Variants in CREB5 observed in about 807,000 individuals in gnomAD.
CREB5 encodes the protein cAMP responsive element binding protein 5, also known as cyclic AMP-responsive element-binding protein 5.
Under a neutral mutation model 57.1 loss-of-function variants are expected in CREB5, and 19 were observed. That is an observed-to-expected ratio of 0.33 (90% CI 0.23 to 0.49). The LOEUF (loss-of-function observed/expected upper bound fraction) is 0.49. Ranked by LOEUF, CREB5 falls within the 20% of genes least tolerant of loss-of-function variation. CREB5 has a pLI of 0.99. For synonymous variants in CREB5, 238 were observed against 238.3 expected, an observed-to-expected ratio of 1.00 and a Z score of 0.01; for missense variants, 579 against 671.6, an observed-to-expected ratio of 0.86 and a Z score of 1.52.
chr7:28,783,196 C>CA (rs1001898395), intron 7 of CREB5, among the ~76,000 whole-genome samples: 2 of 152,140 alleles, frequency 1.3e-5, no homozygotes, highest in African/African-American at 4.8e-5. Flanking sequence ...AGTACAGCCT[C>CA]AAAAATCACA....
At chr7:28,620,061 T>G (rs1267890038) in intron 5 of CREB5, among the ~76,000 whole-genome samples, 6 of 152,234 alleles carry the variant, frequency 3.9e-5, no homozygotes, top group African/African-American at 1.4e-4. Flanking sequence ...AAAATAGACT[T>G]GATGAAGTGA....
chr7:28,503,455 CT>C (rs747418370), intron 3 of CREB5, among the ~76,000 whole-genome samples: 7 of 152,134 alleles, frequency 4.6e-5, no homozygotes, highest in Non-Finnish European at 1.0e-4. Context: ...AAATATTAGA[CT>C]ACCCATCATC....
At chr7:28,686,395 G>T (rs558393407) in intron 5 of CREB5, among the ~76,000 whole-genome samples, 2 of 151,646 alleles carry the variant, frequency 1.3e-5, no homozygotes, top group African/African-American at 2.4e-5. Context: ...TGCCCGAAGA[G>T]GCATTTCTTT....
chr7:28,751,930 C>T (rs539356104), intron 7 of CREB5, among the ~76,000 whole-genome samples: 3 of 152,128 alleles, frequency 2.0e-5, no homozygotes, highest in East Asian at 1.9e-4. Flanking sequence ...TTACGAGTAC[C>T]GGTCAGTTCT....
chr7:28,340,266 G>A (rs1785910795), intron 1 of CREB5, among the ~76,000 whole-genome samples: 1 of 152,196 alleles, frequency 6.6e-6, no homozygotes, highest in Non-Finnish European at 1.5e-5. Context: ...AAGCCAGCAT[G>A]GCTCTGAGTC....
intron 7 of CREB5, among the ~76,000 whole-genome samples, chr7:28,794,339 G>A (rs138912355): frequency 7.6e-4 from 116 of 152,264 alleles, no homozygotes; most frequent in East Asian, 2.1e-3. Context: ...AACAGAAAGC[G>A]TTCTTTCTAT....
At chr7:28,311,544 T>C (rs1227451804) in intron 1 of CREB5, among the ~76,000 whole-genome samples, 1 of 152,244 alleles carries the variant, frequency 6.6e-6, no homozygotes, top group Non-Finnish European at 1.5e-5. Context: ...TCCTACACAA[T>C]GTACTTTATA....
In CREB5 at chr7:28,798,690, C is replaced by T. The variant is rs143200581; in HGVS notation, c.703-5509C>T. 7.0e-3 allele frequency among the ~76,000 whole-genome samples: 1,065 copies of T among 152,258 alleles called. 6 individuals carry two copies. Among genetic ancestry groups the T allele is most frequent in the Non-Finnish European group, 0.01 (691 of 68,020 alleles). On this transcript the variant is annotated intron_variant, in intron 7 of 10. Coordinates refer to ENST00000357727, the MANE Select transcript of CREB5 (RefSeq NM_182898.4). ...CTCCTTTTGACTGAAACTACCTGTG[C>T]GTCAGGCTTCTCGCCGCCTCCCCTA...
intron 5 of CREB5, among the ~76,000 whole-genome samples, chr7:28,668,487 C>A (rs189809973): frequency 6.6e-6 from 1 of 152,008 alleles, no homozygotes; most frequent in Admixed American, 6.6e-5. Flanking sequence ...TGGTTTTATA[C>A]GATGACAAAA....
At chr7:28,552,580 G>A (rs78496132) in intron 4 of CREB5, among the ~76,000 whole-genome samples, 1 of 152,018 alleles carries the variant, frequency 6.6e-6, no homozygotes, top group Non-Finnish European at 1.5e-5. Context: ...TCTGTCTCCT[G>A]GGCAGTCTTG....
chr7:28,818,128 C>CATAAAGACTGCCCA lies in CREB5; in HGVS notation c.1317_1330dup (p.Thr444LysfsTer5). 1 of 1,613,690 alleles carries CATAAAGACTGCCCA rather than the reference C, an allele frequency of 6.2e-7. No individual in the cohort carries two copies. The highest frequency in any genetic ancestry group is 8.5e-7 in the Non-Finnish European group (1 of 1,179,766). On this transcript the variant is annotated frameshift_variant, in exon 10 of 11. Coordinates refer to ENST00000357727, the MANE Select transcript of CREB5 (RefSeq NM_182898.4). LOFTEE classifies it high-confidence loss of function. ...CCAGCTGAAACAGTTGTTGTTAACA[C>CATAAAGACTGCCCA]ATAAAGACTGCCCAATAACAGCCAT...
rs1301747861 is a variant in CREB5, at chr7:28,560,941, CGTGTGTGT to C, written c.292-9422_292-9415del. On this transcript the variant is annotated intron_variant, in intron 4 of 10. Coordinates refer to ENST00000357727, the MANE Select transcript of CREB5 (RefSeq NM_182898.4). ...GTGTGTGCGCGTGCGTGTGTGCGTG[CGTGTGTGT>C]GCGTGTGTGTGCGTGTGTGTGTGCG... Among the ~76,000 whole-genome samples, 86 of 44,636 alleles carry C rather than the reference CGTGTGTGT, an allele frequency of 1.9e-3. 2 individuals carry two copies. The highest frequency in any genetic ancestry group is 4.4e-3 in the African/African-American group (41 of 9,228). 29.3% of individuals were successfully genotyped at this position (44,636 alleles called of 152,430 possible). A position where few individuals can be genotyped will look rare whatever the true frequency, so the allele number is the denominator to read the frequency against.
chr7:28,457,220 C>T (rs1169337883), intron 1 of CREB5, among the ~76,000 whole-genome samples: 2 of 152,164 alleles, frequency 1.3e-5, no homozygotes, highest in Non-Finnish European at 2.9e-5. Flanking sequence ...AAAGGTCCCA[C>T]CTCTTAATAC....
intron 1 of CREB5, among the ~76,000 whole-genome samples, chr7:28,389,175 T>G (rs7798526): frequency 0.17 from 25,835 of 152,152 alleles, 3,155 homozygotes; most frequent in African/African-American, 0.34. Flanking sequence ...TTGAAAAATC[T>G]GCACATTAGT....
At chr7:28,468,265 A>G (rs1346997831) in intron 1 of CREB5, among the ~76,000 whole-genome samples, 1 of 152,238 alleles carries the variant, frequency 6.6e-6, no homozygotes, top group Non-Finnish European at 1.5e-5. Flanking sequence ...CAAGCACGTT[A>G]AAGATAATGC....
intron 1 of CREB5, among the ~76,000 whole-genome samples, chr7:28,331,600 A>G (rs1232535615): frequency 2.6e-5 from 4 of 152,152 alleles, no homozygotes; most frequent in African/African-American, 9.7e-5. Context: ...GCTTTTAGAA[A>G]GAATTTTGGG....
At chr7:28,686,191 C>T (rs376548582) in intron 5 of CREB5, 33 of 1,610,982 alleles carry the variant, frequency 2.0e-5, no homozygotes, top group Non-Finnish European at 2.7e-5. Flanking sequence ...TCAGTGATGT[C>T]CATGAGGTTT....
chr7:28,356,988 C>A (rs17642724), intron 1 of CREB5, among the ~76,000 whole-genome samples: 38,435 of 152,010 alleles, frequency 0.25, 4,888 homozygotes, highest in South Asian at 0.31. Context: ...GATTATATAG[C>A]GGAGGAAGCT....
intron 7 of CREB5, among the ~76,000 whole-genome samples, chr7:28,777,528 T>C (rs1424678895): frequency 6.6e-6 from 1 of 152,132 alleles, no homozygotes; most frequent in Non-Finnish European, 1.5e-5. Context: ...CTACATTCCA[T>C]CAACAAGGTA....
Sources: allele counts gnomAD v4.1 joint callset (sites outside exome capture counted in the v4.1 genomes callset), GRCh38; gene constraint gnomAD v4.1.1; transcripts MANE v1.5; gene names NCBI Gene and HGNC (gene_info 2026-07-23, HGNC 2026-07-21).